The following CNBD1 variants were observed in gnomAD, a reference collection of about 807,000 sequenced individuals.
CNBD1 encodes cyclic nucleotide-binding domain-containing protein 1.
In CNBD1, 71 loss-of-function variants were observed where a neutral mutation model predicts 54.4. The ratio of observed to expected loss-of-function variants is 1.30; its 90% CI spans 1.08 to 1.59. The LOEUF (loss-of-function observed/expected upper bound fraction) is 1.59. Among genes scored for constraint, CNBD1 ranks in the 40% most tolerant of loss-of-function variants. CNBD1 has a pLI of 0.00. For synonymous variants in CNBD1, 182 were observed against 170.7 expected (o/e 1.07, Z -0.51); for missense variants, 659 against 518.0 (o/e 1.27, Z -2.64).
chr8:87,185,555 T>C (rs895841851), intron 4 of CNBD1, among the ~76,000 whole-genome samples: 1 of 152,216 alleles, frequency 6.6e-6, no homozygotes, highest in Non-Finnish European at 1.5e-5. Flanking sequence ...GCACATTTTT[T>C]TCCTAATGCA....
At chr8:87,303,108 A>G (rs915345568) in intron 8 of CNBD1, among the ~76,000 whole-genome samples, 1 of 152,006 alleles carries the variant, frequency 6.6e-6, no homozygotes, top group African/African-American at 2.4e-5. Context: ...GCTACCAATG[A>G]TTTTCTTCAC....
At chr8:87,211,461 T>C (rs924612909) in intron 5 of CNBD1, among the ~76,000 whole-genome samples, 4 of 151,940 alleles carry the variant, frequency 2.6e-5, no homozygotes, top group Non-Finnish European at 4.4e-5. Flanking sequence ...CCCCTCCAAA[T>C]CTCATGTTGA....
chr8:87,117,427 A>ACAT (rs1345090352), intron 4 of CNBD1, among the ~76,000 whole-genome samples: 1 of 151,434 alleles, frequency 6.6e-6, no homozygotes, highest in Non-Finnish European at 1.5e-5. Context: ...AACTGAGAAC[A>ACAT]CATCAGATAT....
intron 4 of CNBD1, among the ~76,000 whole-genome samples, chr8:87,185,448 G>A (rs1261065205): frequency 6.6e-6 from 1 of 152,012 alleles, no homozygotes; most frequent in Non-Finnish European, 1.5e-5. Context: ...TGTGAACTTT[G>A]TTCCAAAATT....
intron 4 of CNBD1, among the ~76,000 whole-genome samples, chr8:87,087,222 TAC>T (rs1005173575): frequency 1.4e-5 from 2 of 146,068 alleles, no homozygotes; most frequent in Non-Finnish European, 3.0e-5. Context: ...GTATCTATTC[TAC>T]ACACACACAC....
At chr8:87,377,968 T>C (rs1810987000) in intron 10 of CNBD1, among the ~76,000 whole-genome samples, 1 of 142,986 alleles carries the variant, frequency 7.0e-6, no homozygotes, top group Admixed American at 7.0e-5. Flanking sequence ...GAAGTGTCTG[T>C]TCATGTCCTT....
At chr8:86,869,005 A>AG (rs144973690) in intron 1 of CNBD1, among the ~76,000 whole-genome samples, 1 of 152,010 alleles carries the variant, frequency 6.6e-6, no homozygotes. Flanking sequence ...TTGAAGATGG[A>AG]GGGGGGACAA....
At chr8:87,373,051 T>A (rs114814130) in intron 10 of CNBD1, among the ~76,000 whole-genome samples, 2,281 of 151,974 alleles carry the variant, frequency 0.015, 59 homozygotes, top group African/African-American at 0.049. Context: ...TTATAACTTT[T>A]AAAAATTATG....
intron 4 of CNBD1, among the ~76,000 whole-genome samples, chr8:87,119,610 G>C (rs951809165): frequency 2.0e-5 from 3 of 151,992 alleles, no homozygotes; most frequent in Non-Finnish European, 4.4e-5. Flanking sequence ...AGGACTCCCA[G>C]AATTACGTCG....
chr8:87,308,681 A>C (rs1346141753), intron 8 of CNBD1, among the ~76,000 whole-genome samples: 1 of 152,148 alleles, frequency 6.6e-6, no homozygotes, highest in Non-Finnish European at 1.5e-5. Flanking sequence ...TTGGAACACT[A>C]GAATTTGTTC....
chr8:87,289,338 A>G (rs1808747786), intron 8 of CNBD1, among the ~76,000 whole-genome samples: 1 of 152,128 alleles, frequency 6.6e-6, no homozygotes, highest in South Asian at 2.1e-4. Flanking sequence ...AGGGAACCTT[A>G]TTATAATGAA....
intron 4 of CNBD1, among the ~76,000 whole-genome samples, chr8:87,198,388 T>G (rs1813766780): frequency 6.6e-6 from 1 of 152,178 alleles, no homozygotes; most frequent in Non-Finnish European, 1.5e-5. Flanking sequence ...AAAGCTTATT[T>G]CCAGAGTTCC....
At chr8:87,045,700 G>A (rs2130616041) in intron 4 of CNBD1, among the ~76,000 whole-genome samples, 1 of 147,744 alleles carries the variant, frequency 6.8e-6, no homozygotes, top group East Asian at 2.0e-4. Flanking sequence ...ACTCCAGCCT[G>A]GGCGACAGAG....
intron 4 of CNBD1, among the ~76,000 whole-genome samples, chr8:87,196,089 T>C (rs568977223): frequency 6.6e-6 from 1 of 152,286 alleles, no homozygotes; most frequent in East Asian, 1.9e-4. Flanking sequence ...TAATCAATCC[T>C]TTTGAACACT....
rs538430546 is a variant in CNBD1 at position 86,905,024 on chromosome 8, C to T, written c.159-57C>T. 1.3e-3 allele frequency: 1,304 copies of T among 1,012,626 alleles called. 1 individual carries two copies. Among genetic ancestry groups the T allele is most frequent in the Non-Finnish European group, 1.2e-3 (829 of 667,848 alleles). 62.7% of individuals were successfully genotyped at this position (1,012,626 alleles called of 1,614,324 possible). ...CGTATATATTGAGTTAAAAATCTTTCTCTTGGAAGCTGTTATCCTATGACA... is the reference window on the plus strand; with the variant it reads ...CGTATATATTGAGTTAAAAATCTTTTTCTTGGAAGCTGTTATCCTATGACA... On this transcript the variant is annotated intron_variant, in intron 2 of 10. Transcript: ENST00000518476.
intron 4 of CNBD1, among the ~76,000 whole-genome samples, chr8:86,987,894 G>T (rs956041795): frequency 1.1e-4 from 16 of 152,244 alleles, no homozygotes; most frequent in African/African-American, 3.6e-4. Context: ...GCTGGATTTG[G>T]TTTGCTAGTA....
intron 4 of CNBD1, among the ~76,000 whole-genome samples, chr8:87,144,188 T>G (rs1336623054): frequency 6.6e-6 from 1 of 152,152 alleles, no homozygotes; most frequent in Non-Finnish European, 1.5e-5. Context: ...GACAAAAGTG[T>G]TCTCCGGTTG....
chr8:87,032,633 TA>T (rs747875995), intron 4 of CNBD1, among the ~76,000 whole-genome samples: 1 of 152,124 alleles, frequency 6.6e-6, no homozygotes, highest in Non-Finnish European at 1.5e-5. Context: ...GGATACTCTG[TA>T]ACTTCACAGA....
chr8:87,021,972 T>C (rs2130578279), intron 4 of CNBD1, among the ~76,000 whole-genome samples: 1 of 152,284 alleles, frequency 6.6e-6, no homozygotes. Context: ...AAATAATTTA[T>C]TTATATCAGA....
Sources: gnomAD v4.1 joint callset for allele counts (sites outside exome capture counted in the v4.1 genomes callset) on GRCh38, gnomAD v4.1.1 for gene constraint, MANE v1.5 for transcripts, NCBI Gene and HGNC (gene_info 2026-07-23, HGNC 2026-07-21) for gene names.